PARD3B: variants seen among roughly 807,000 people sequenced by gnomAD.
The protein encoded by PARD3B is par-3 family cell polarity regulator beta.
In PARD3B, 103 loss-of-function variants were observed where a neutral mutation model predicts 130.2. The ratio of observed to expected loss-of-function variants is 0.79; its 90% CI spans 0.67 to 0.93. The LOEUF (loss-of-function observed/expected upper bound fraction) is 0.93. PARD3B is among the 40% of genes least tolerant of loss of function. The pLI is 0.00. For synonymous variants in PARD3B, 583 were observed against 553.2 expected, an observed-to-expected ratio of 1.05 and a Z score of -0.76; for missense variants, 1,609 against 1,499.2, an observed-to-expected ratio of 1.07 and a Z score of -1.21.
rs552366443 is a variant in PARD3B at position 204,990,578 on chromosome 2, C to T, written c.394+25255C>T. Among the ~76,000 whole-genome samples, 6 of 152,148 alleles carry T rather than the reference C, an allele frequency of 3.9e-5. No homozygotes were observed. In the South Asian group the frequency reaches 1.2e-3, roughly 32 times the overall value. ...AACTATCATTCTACTCTCTGATTCACAGGAATTATTTACATATTAAGAACA... is the reference window on the plus strand; with the variant it reads ...AACTATCATTCTACTCTCTGATTCATAGGAATTATTTACATATTAAGAACA... On this transcript the variant is annotated intron_variant, in intron 3 of 22. Transcript: ENST00000406610.
In PARD3B at chr2:205,078,439, G is replaced by C. The variant is rs1174995276; in HGVS notation, c.505-25987G>C. ...AGACCAAAGACCCACTTTTTTTCCT[G>C]AGTAATTCTGTCTCTTAATGAATGC... On this transcript the variant is annotated intron_variant, in intron 4 of 22. Transcript: ENST00000406610. The surrounding 1 kb of genome is among the most constrained non-coding windows in gnomAD (Gnocchi z 4.0). Among the ~76,000 whole-genome samples the C allele has an allele frequency of 1.3e-5, 2 of 152,032 alleles. No homozygotes were observed. Among genetic ancestry groups the C allele is most frequent in the African/African-American group, 4.8e-5 (2 of 41,392 alleles).
chr2:205,137,961 G>A (rs1227710820), intron 10 of PARD3B, among the ~76,000 whole-genome samples: 1 of 152,194 alleles, frequency 6.6e-6, no homozygotes, highest in Non-Finnish European at 1.5e-5. Context: ...CAGGGATGGA[G>A]GAATAGATTC....
intron 1 of PARD3B, among the ~76,000 whole-genome samples, chr2:204,658,950 A>G (rs1329812449): frequency 2.0e-5 from 3 of 152,206 alleles, no homozygotes; most frequent in South Asian, 4.1e-4. Context: ...AAAATGCATT[A>G]TCTCGGTTCC....
At chr2:204,982,997 T>C (rs1361715948) in intron 3 of PARD3B, among the ~76,000 whole-genome samples, 1 of 152,198 alleles carries the variant, frequency 6.6e-6, no homozygotes, top group Non-Finnish European at 1.5e-5. Context: ...ATACAAATAA[T>C]TGGAGTGCTT....
At position 205,134,661 on chromosome 2, in the gene PARD3B, C is replaced by T. The variant is rs2032317702; in HGVS notation, c.1434+8924C>T. ...CAGCTTTTTGAATGTGCTCAATAGC[C>T]CACAAGGCCAAGGGATTAATAGTCA... is the stretch of plus-strand genomic sequence containing the variant. On this transcript the variant is annotated intron_variant, in intron 10 of 22. Coordinates refer to ENST00000406610, the MANE Select transcript of PARD3B (RefSeq NM_001302769.2). Among the ~76,000 whole-genome samples the T allele has an allele frequency of 2.0e-5, 3 of 152,250 alleles. 1 individual carries two copies. In the Middle Eastern group the frequency reaches 0.01, roughly 518 times the overall value.
In PARD3B at chr2:205,183,370, A is replaced by C. The variant is rs2035900895; in HGVS notation, c.1925-2394A>C. Among the ~76,000 whole-genome samples, 1 of 152,122 alleles carries C rather than the reference A, an allele frequency of 6.6e-6. No individual in the cohort carries two copies. Reference sequence around the variant, plus strand: ...CTGTGGAAGATGGACTGAGAGGTTGAGGATAGAAGATGAGAGCCAACAGAA... The same window carrying C: ...CTGTGGAAGATGGACTGAGAGGTTGCGGATAGAAGATGAGAGCCAACAGAA... On this transcript the variant is annotated intron_variant, in intron 13 of 22. Transcript: ENST00000406610. The surrounding 1 kb of genome is among the most constrained non-coding windows in gnomAD (Gnocchi z 5.2).
At chr2:205,050,729 A>G (rs1320406329) in intron 4 of PARD3B, among the ~76,000 whole-genome samples, 2 of 150,604 alleles carry the variant, frequency 1.3e-5, no homozygotes, top group South Asian at 2.1e-4. Flanking sequence ...TTTTTTTTAC[A>G]TGGCTATTAG....
intron 22 of PARD3B, among the ~76,000 whole-genome samples, chr2:205,611,453 G>A (rs1479377426): frequency 6.6e-6 from 1 of 152,094 alleles, no homozygotes; most frequent in East Asian, 1.9e-4. Context: ...ATACTGACAT[G>A]GCAAAAAGAA....
chr2:204,658,658 C>G (rs551328467), intron 1 of PARD3B, among the ~76,000 whole-genome samples: 1 of 152,034 alleles, frequency 6.6e-6, no homozygotes, highest in African/African-American at 2.4e-5. Flanking sequence ...TAGGACTTAA[C>G]ACAGGTTATT....
chr2:205,418,034 C>A lies in PARD3B; in HGVS notation c.2741+16911C>A, dbSNP rs147420175. Among the ~76,000 whole-genome samples the A allele has an allele frequency of 4.0e-3, 607 of 152,176 alleles. 8 individuals carry two copies. Among genetic ancestry groups the A allele is most frequent in the African/African-American group, 0.013 (558 of 41,512 alleles). On this transcript the variant is annotated intron_variant, in intron 19 of 22. Transcript: ENST00000406610. ...TCATTTTTCATTTTTTACGTTTTCT[C>A]ATATGAAAGGTCACCTTTACTTGGT...
chr2:204,883,846 C>A (rs1282863302), intron 2 of PARD3B, among the ~76,000 whole-genome samples: 3 of 151,852 alleles, frequency 2.0e-5, no homozygotes, highest in African/African-American at 7.3e-5. Flanking sequence ...TCAAGCAATT[C>A]TCTGCCTCAG....
chr2:204,912,032 C>T (rs2047257821), intron 2 of PARD3B, among the ~76,000 whole-genome samples: 1 of 151,998 alleles, frequency 6.6e-6, no homozygotes, highest in Non-Finnish European at 1.5e-5. Context: ...GGAAAATTTG[C>T]ATGAGTTTGT....
chr2:204,794,432 G>A (rs1329158257), intron 2 of PARD3B, among the ~76,000 whole-genome samples: 1 of 152,166 alleles, frequency 6.6e-6, no homozygotes, highest in African/African-American at 2.4e-5. Flanking sequence ...GCTGGTAGTG[G>A]TTTATCAAAT....
chr2:205,168,330 T>C (rs1451648481), intron 11 of PARD3B, among the ~76,000 whole-genome samples: 1 of 94,486 alleles, frequency 1.1e-5, no homozygotes, highest in East Asian at 3.7e-4. Context: ...AGTGTGTGTG[T>C]GTGAATATTG....
At chr2:204,621,763 T>C (rs1400182773) in intron 1 of PARD3B, among the ~76,000 whole-genome samples, 1 of 152,200 alleles carries the variant, frequency 6.6e-6, no homozygotes, top group African/African-American at 2.4e-5. Flanking sequence ...AGAAAATTAT[T>C]CAACAGTCTA....
intron 22 of PARD3B, among the ~76,000 whole-genome samples, chr2:205,577,648 C>T (rs1034316776): frequency 2.0e-5 from 3 of 152,142 alleles, no homozygotes; most frequent in Non-Finnish European, 4.4e-5. Context: ...TCAAGGATAG[C>T]TTAAAAATGA....
Position 205,142,642 on chromosome 2 carries a change from G to A in PARD3B, c.1435-16080G>A, listed in dbSNP as rs770490237. ...CGCCTGTAATCCCAACACTTTGGGA[G>A]GCCGAGGTGGGCGGATCAAGAGGTC... On this transcript the variant is annotated intron_variant, in intron 10 of 22. Transcript: ENST00000406610. This position sits in a 1 kb window ranked among gnomAD's most constrained non-coding sequence, Gnocchi z 4.3. Among the ~76,000 whole-genome samples, 6 of 152,128 alleles carry A rather than the reference G, an allele frequency of 3.9e-5. No homozygotes were observed. The highest frequency in any genetic ancestry group is 8.8e-5 in the Non-Finnish European group (6 of 68,026).
intron 16 of PARD3B, among the ~76,000 whole-genome samples, chr2:205,251,000 A>ACC (rs2039822591): frequency 6.6e-6 from 1 of 152,102 alleles, no homozygotes; most frequent in South Asian, 2.1e-4. Flanking sequence ...AAGGATATGA[A>ACC]CCCCAGCATT....
intron 2 of PARD3B, among the ~76,000 whole-genome samples, chr2:204,709,428 T>C (rs1261347307): frequency 6.6e-6 from 1 of 152,142 alleles, no homozygotes; most frequent in African/African-American, 2.4e-5. Context: ...AATTAACTCA[T>C]GTGGAAAGAA....
Sources: gnomAD v4.1 joint callset for allele counts (sites outside exome capture counted in the v4.1 genomes callset) on GRCh38, gnomAD v4.1.1 for gene constraint, Gnocchi (gnomAD v3.1) non-coding constraint, MANE v1.5 for transcripts, NCBI Gene and HGNC (gene_info 2026-07-23, HGNC 2026-07-21) for gene names.